The following CPED1 variants were observed in gnomAD, a reference collection of about 807,000 sequenced individuals.
CPED1 encodes the protein cadherin like and PC-esterase domain containing 1.
CPED1 carries 114 observed loss-of-function variants against 128.2 expected under a neutral mutation model. The ratio of observed to expected loss-of-function variants is 0.89; its 90% CI spans 0.76 to 1.04. The LOEUF (loss-of-function observed/expected upper bound fraction) is 1.04. Among genes scored for constraint, CPED1 ranks in the 50% least tolerant of loss-of-function variants. The probability of loss-of-function intolerance (pLI) is 0.00; values close to 1 mark genes in which losing one functional copy is unlikely to be tolerated. For synonymous variants in CPED1, 462 were observed against 426.7 expected, an observed-to-expected ratio of 1.08 and a Z score of -1.02; for missense variants, 1,211 against 1,207.1, an observed-to-expected ratio of 1.00 and a Z score of -0.05.
chr7:121,155,140 A>G (rs1259816418), intron 16 of CPED1, among the ~76,000 whole-genome samples: 1 of 152,218 alleles, frequency 6.6e-6, no homozygotes, highest in African/African-American at 2.4e-5. Flanking sequence ...AATATAAAAT[A>G]ACTAGGAATC....
At chr7:120,999,575 G>A (rs903648206) in intron 2 of CPED1, among the ~76,000 whole-genome samples, 1 of 151,888 alleles carries the variant, frequency 6.6e-6, no homozygotes, top group Non-Finnish European at 1.5e-5. Context: ...TTTTTATATT[G>A]TAACTGGATT....
intron 7 of CPED1, among the ~76,000 whole-genome samples, chr7:121,114,658 A>T (rs1795191953): frequency 6.6e-6 from 1 of 152,212 alleles, no homozygotes; most frequent in South Asian, 2.1e-4. Flanking sequence ...AATTAAGTCC[A>T]TGCCTATGGG....
chr7:121,198,345 G>C (rs955368033), intron 16 of CPED1, among the ~76,000 whole-genome samples: 3 of 152,020 alleles, frequency 2.0e-5, no homozygotes, highest in African/African-American at 7.2e-5. Context: ...TTAGATAAAA[G>C]CTCATTTTTA....
chr7:121,228,899 G>A (rs1047236011), intron 16 of CPED1, among the ~76,000 whole-genome samples: 12 of 152,026 alleles, frequency 7.9e-5, no homozygotes, highest in African/African-American at 2.9e-4. Flanking sequence ...AATATTACAT[G>A]TTCTCACTTA....
At chr7:121,033,712 A>G (rs1792800816) in intron 3 of CPED1, among the ~76,000 whole-genome samples, 1 of 152,232 alleles carries the variant, frequency 6.6e-6, no homozygotes, top group South Asian at 2.1e-4. Flanking sequence ...ATAAATCTCC[A>G]AAGATTGTTG....
chr7:121,073,310 A>T (rs2402555), intron 5 of CPED1, among the ~76,000 whole-genome samples: 70,128 of 151,994 alleles, frequency 0.46, 16,480 homozygotes, highest in East Asian at 0.61. Context: ...CATCATCTTC[A>T]TGCTGAGTAG....
chr7:121,129,925 T>C (rs1042828928), intron 11 of CPED1, among the ~76,000 whole-genome samples, 200 bp from the exon 12 acceptor site: 4 of 151,674 alleles, frequency 2.6e-5, no homozygotes, highest in African/African-American at 9.7e-5. Context: ...TTTGGAAATA[T>C]GATCATCAAC....
At chr7:121,007,230 CATTTTTTTT>C (rs1240037021) in intron 2 of CPED1, among the ~76,000 whole-genome samples, 52 of 115,864 alleles carry the variant, frequency 4.5e-4, no homozygotes, top group South Asian at 4.5e-3. Context: ...GTTCAGGTTG[CATTTTTTTT>C]TTTTTTTTTT....
intron 2 of CPED1, among the ~76,000 whole-genome samples, chr7:121,001,045 A>T (rs576711823): frequency 2.0e-5 from 3 of 152,274 alleles, no homozygotes; most frequent in African/African-American, 7.2e-5. Flanking sequence ...AGCACTGGGT[A>T]TATGTTACAT....
chr7:121,272,217 G>C (rs529604959), intron 22 of CPED1, among the ~76,000 whole-genome samples: 2 of 152,200 alleles, frequency 1.3e-5, no homozygotes, highest in Admixed American at 6.6e-5. Flanking sequence ...AGGGAGAGAA[G>C]GCAGGACACT....
chr7:121,082,900 A>G (rs1267887037), intron 5 of CPED1, among the ~76,000 whole-genome samples: 1 of 152,210 alleles, frequency 6.6e-6, no homozygotes, highest in Non-Finnish European at 1.5e-5. Flanking sequence ...TTCTATTATT[A>G]TTTATTATTC....
chr7:121,029,652 A>T (rs1393698784), intron 3 of CPED1, among the ~76,000 whole-genome samples: 2 of 152,192 alleles, frequency 1.3e-5, no homozygotes, highest in Non-Finnish European at 1.5e-5. Context: ...GAGAGATAGC[A>T]TATTAAGGTT....
chr7:121,125,066 G>T (rs966201227), intron 8 of CPED1, among the ~76,000 whole-genome samples: 7 of 151,908 alleles, frequency 4.6e-5, no homozygotes, highest in African/African-American at 1.7e-4. Context: ...TTCGTATTTA[G>T]GTTTCCATGG....
At chr7:121,250,885 G>C (rs1371369409) in intron 18 of CPED1, among the ~76,000 whole-genome samples, 1 of 152,000 alleles carries the variant, frequency 6.6e-6, no homozygotes, top group Non-Finnish European at 1.5e-5. Flanking sequence ...TTCTACCCAA[G>C]GTACAAGGAG....
intron 8 of CPED1, among the ~76,000 whole-genome samples, 189 bp downstream of exon 8, chr7:121,124,662 G>A (rs542387359): frequency 6.6e-6 from 1 of 152,234 alleles, no homozygotes; most frequent in African/African-American, 2.4e-5. Flanking sequence ...TTTAGAACGT[G>A]TGGCAGACTC....
At chr7:121,161,196 C>T (rs1182376604) in intron 16 of CPED1, among the ~76,000 whole-genome samples, 3 of 152,124 alleles carry the variant, frequency 2.0e-5, no homozygotes, top group Non-Finnish European at 4.4e-5. Context: ...CTGCTCAGAG[C>T]TCAAAATCTA....
chr7:121,064,332 C>G lies in CPED1; in HGVS notation c.616+19C>G. 6.3e-7 allele frequency: 1 copy of G among 1,577,992 alleles called. No homozygotes were observed. Among genetic ancestry groups the G allele is most frequent in the Admixed American group, 1.7e-5 (1 of 59,858 alleles). On this transcript the variant is annotated intron_variant, in intron 5 of 22. Transcript: ENST00000310396. ...TTCCCAGGTAATCTTTCGTTTGCTTCCTTAGGCTTAAACATGTGAGATATG... is the reference window on the plus strand; with the variant it reads ...TTCCCAGGTAATCTTTCGTTTGCTTGCTTAGGCTTAAACATGTGAGATATG...
chr7:121,158,716 C>T (rs1796346055), intron 16 of CPED1, among the ~76,000 whole-genome samples: 1 of 152,062 alleles, frequency 6.6e-6, no homozygotes, highest in Non-Finnish European at 1.5e-5. Flanking sequence ...TATTAACCAT[C>T]TAGCCCTTAA....
intron 16 of CPED1, among the ~76,000 whole-genome samples, chr7:121,229,030 A>G (rs886498467): frequency 6.6e-6 from 1 of 151,996 alleles, no homozygotes; most frequent in Non-Finnish European, 1.5e-5. Context: ...AAAGGGTACA[A>G]ACATACAGTA....
Sources: gnomAD v4.1 joint callset for allele counts (sites outside exome capture counted in the v4.1 genomes callset) on GRCh38, gnomAD v4.1.1 for gene constraint, MANE v1.5 for transcripts, NCBI Gene and HGNC (gene_info 2026-07-23, HGNC 2026-07-21) for gene names.